The following STIM1 variants were observed in gnomAD, a reference collection of about 807,000 sequenced individuals.
STIM1 encodes stromal interaction molecule 1.
STIM1 carries 25 observed loss-of-function variants against 74.7 expected under a neutral mutation model. The observed-to-expected ratio is 0.33, with a 90% confidence interval of 0.24 to 0.47. STIM1 has a LOEUF of 0.47. Ranked by LOEUF, STIM1 falls within the 20% of genes least tolerant of loss-of-function variation. The pLI is 1.00. For missense variants in STIM1, 728 were observed against 920.8 expected (o/e 0.79, Z 2.71); for synonymous variants, 328 against 348.8 (o/e 0.94, Z 0.66).
intron 1 of STIM1, among the ~76,000 whole-genome samples, chr11:3,922,907 G>A (rs1164540017): frequency 2.0e-5 from 3 of 151,998 alleles, no homozygotes; most frequent in Non-Finnish European, 1.5e-5. Flanking sequence ...AGACCATCCT[G>A]GTTAACATGG....
chr11:4,024,597 C>T (rs2093983888), intron 3 of STIM1, among the ~76,000 whole-genome samples: 1 of 152,174 alleles, frequency 6.6e-6, no homozygotes, highest in African/African-American at 2.4e-5. Flanking sequence ...CTATAGTTGG[C>T]TGCAGACCTC....
intron 7 of STIM1, among the ~76,000 whole-genome samples, chr11:4,080,404 G>A (rs963517883): frequency 1.3e-5 from 2 of 151,054 alleles, no homozygotes; most frequent in East Asian, 1.9e-4. Flanking sequence ...GTCTCTTTCT[G>A]TCTGTCTGTC....
At chr11:4,037,260 TG>T (rs1023078338) in intron 3 of STIM1, among the ~76,000 whole-genome samples, 2 of 152,104 alleles carry the variant, frequency 1.3e-5, no homozygotes, top group African/African-American at 4.8e-5. Flanking sequence ...TTCACCATGT[TG>T]ACTGGTCTCG....
At chr11:4,024,477 T>C (rs1736552899) in intron 3 of STIM1, among the ~76,000 whole-genome samples, 1 of 152,238 alleles carries the variant, frequency 6.6e-6, no homozygotes, top group South Asian at 2.1e-4. Flanking sequence ...TCCTGAGTCT[T>C]CTTTTTTCCA....
At chr11:3,901,380 A>G (rs896538666) in intron 1 of STIM1, among the ~76,000 whole-genome samples, 22 of 152,174 alleles carry the variant, frequency 1.4e-4, no homozygotes, top group African/African-American at 5.3e-4. Context: ...ACCTATTGAC[A>G]TTTTGTTAGA....
intron 2 of STIM1, chr11:3,973,257 TC>T: frequency 2.1e-6 from 1 of 482,224 alleles, no homozygotes; most frequent in South Asian, 1.6e-5. Flanking sequence ...ACCAAAGTTG[TC>T]ATTCCCACCA....
intron 2 of STIM1, among the ~76,000 whole-genome samples, chr11:3,983,828 T>A (rs1012902227): frequency 1.3e-5 from 2 of 152,110 alleles, no homozygotes; most frequent in African/African-American, 4.8e-5. Context: ...CTACTGCTGC[T>A]GCTGCTTTTT....
intron 2 of STIM1, among the ~76,000 whole-genome samples, chr11:3,998,562 G>A (rs1354509328): frequency 3.9e-5 from 6 of 152,060 alleles, no homozygotes; most frequent in Non-Finnish European, 8.8e-5. Flanking sequence ...ATGGATTTAT[G>A]GAGCTAAATT....
intron 7 of STIM1, among the ~76,000 whole-genome samples, chr11:4,079,995 G>A (rs1480665829): frequency 6.6e-6 from 1 of 152,116 alleles, no homozygotes; most frequent in Non-Finnish European, 1.5e-5. Flanking sequence ...AGGGCAGGCA[G>A]ATCGCTTGAG....
chr11:4,037,913 C>A (rs1262852100), intron 3 of STIM1, among the ~76,000 whole-genome samples: 1 of 151,808 alleles, frequency 6.6e-6, no homozygotes, highest in Non-Finnish European at 1.5e-5. Flanking sequence ...TTTCTGCTTT[C>A]TTTTGGGTTA....
Position 4,074,689 on chromosome 11 carries a change from T to C in STIM1, c.969+10T>C. On this transcript the variant is annotated intron_variant, in intron 7 of 12. Transcript: ENST00000526596. ...GGAGGAGTTGGAGCAGGTAGGAGAGTCCACAAATTCCTGGACACCTTGACG... is the reference window on the plus strand; with the variant it reads ...GGAGGAGTTGGAGCAGGTAGGAGAGCCCACAAATTCCTGGACACCTTGACG... The C allele has an allele frequency of 6.4e-7, 1 of 1,552,628 alleles. No individual in the cohort carries two copies. The highest frequency in any genetic ancestry group is 1.2e-5 in the South Asian group (1 of 84,324).
intron 1 of STIM1, among the ~76,000 whole-genome samples, chr11:3,898,034 T>C (rs1700645288): frequency 6.6e-6 from 1 of 152,242 alleles, no homozygotes; most frequent in Non-Finnish European, 1.5e-5. Flanking sequence ...TACCCAGTAA[T>C]GGGATGGCTG....
At chr11:4,050,432 G>T (rs2094230348) in intron 3 of STIM1, among the ~76,000 whole-genome samples, 1 of 152,132 alleles carries the variant, frequency 6.6e-6, no homozygotes, top group African/African-American at 2.4e-5. Context: ...TAGTCTCTCT[G>T]GGGATGCACC....
At chr11:4,018,535 C>T (rs1368897203) in intron 2 of STIM1, among the ~76,000 whole-genome samples, 1 of 146,680 alleles carries the variant, frequency 6.8e-6, no homozygotes. Flanking sequence ...ATCCCAGCTA[C>T]TCGGGAGGCT....
chr11:4,084,829 C>A, intron 11 of STIM1, 64 bp downstream of exon 11: 2 of 1,219,192 alleles, frequency 1.6e-6, no homozygotes, highest in Non-Finnish European at 2.2e-6. Flanking sequence ...AACACTCTTA[C>A]CCCATGGGTC....
intron 1 of STIM1, among the ~76,000 whole-genome samples, chr11:3,891,297 G>GTTTT (rs60284384): frequency 3.4e-5 from 5 of 148,204 alleles, no homozygotes; most frequent in African/African-American, 5.0e-5. Flanking sequence ...TATTTTTCAT[G>GTTTT]TTTTTTTTTT....
chr11:4,059,317 G>A lies in STIM1; in HGVS notation c.534G>A (p.Val178=). ...AVTNTTMTGT[V]LKMTDRSHRQ... is the part of the protein sequence containing the mutation. The stretch of plus-strand genomic sequence containing the variant: ...CCAACACCACCATGACAGGGACTGT[G>A]CTGAAGATGACAGACCGGAGTCATC... Residue 178 remains valine, a synonymous_variant, in exon 5 of 13, where the codon GTG becomes GTA. Coordinates refer to ENST00000526596, the MANE Select transcript of STIM1 (RefSeq NM_001382567.1). The A allele has an allele frequency of 6.2e-7, 1 of 1,614,122 alleles. No homozygotes were observed. The highest frequency in any genetic ancestry group is 8.5e-7 in the Non-Finnish European group (1 of 1,180,002).
At chr11:3,947,100 G>GTTTTTTTTTTTTTTTTTTTTT (rs57701004) in intron 1 of STIM1, among the ~76,000 whole-genome samples, 3 of 139,342 alleles carry the variant, frequency 2.2e-5, no homozygotes. Context: ...CATTCTTAGT[G>GTTTTTTTTTTTTTTTTTTTTT]TTTTTTTTTT....
chr11:3,956,226 G>A (rs2093210719), intron 1 of STIM1, among the ~76,000 whole-genome samples: 1 of 152,152 alleles, frequency 6.6e-6, no homozygotes, highest in African/African-American at 2.4e-5. Flanking sequence ...TCGCATTTCT[G>A]CTGATTGGTC....
Sources: gnomAD v4.1 joint callset for allele counts (sites outside exome capture counted in the v4.1 genomes callset) on GRCh38, gnomAD v4.1.1 for gene constraint, MANE v1.5 for transcripts, NCBI Gene and HGNC (gene_info 2026-07-23, HGNC 2026-07-21) for gene names.